USP15: variants seen among roughly 807,000 people sequenced by gnomAD.
The protein encoded by USP15 is ubiquitin carboxyl-terminal hydrolase 15.
A neutral mutation model predicts 127.1 loss-of-function variants in USP15; 18 were observed. The observed-to-expected ratio is 0.14, with a 90% CI of 0.10 to 0.21. The LOEUF (loss-of-function observed/expected upper bound fraction) is 0.21, where lower values mean the gene tolerates loss of function less well. Among genes scored for constraint, USP15 ranks in the 10% least tolerant of loss-of-function variants. USP15 has a pLI of 1.00. For synonymous variants in USP15, 364 were observed against 393.7 expected, an observed-to-expected ratio of 0.92 and a Z score of 0.89; for missense variants, 805 against 1,159.9, an observed-to-expected ratio of 0.69 and a Z score of 4.44.
In USP15 at chr12:62,318,963, T is replaced by C. The variant is rs115171338; in HGVS notation, c.476-2501T>C. Among the ~76,000 whole-genome samples the C allele has an allele frequency of 2.4e-3, 364 of 152,274 alleles. 2 individuals are homozygous for C. The highest frequency in any genetic ancestry group is 8.4e-3 in the African/African-American group (349 of 41,578). On this transcript the variant is annotated intron_variant, in intron 4 of 21. Transcript: ENST00000280377. ...ATTGCTACCACTTTGGTTAGGATTG[T>C]TGCAGTAACCTAGTTTCCCACCTTT... is the stretch of plus-strand genomic sequence containing the variant.
chr12:62,369,161 A>G (rs2066581735), intron 8 of USP15, among the ~76,000 whole-genome samples: 1 of 152,226 alleles, frequency 6.6e-6, no homozygotes, highest in South Asian at 2.1e-4. Context: ...GCAAAATGTC[A>G]TGGAAGCAAA....
intron 8 of USP15, among the ~76,000 whole-genome samples, chr12:62,364,078 G>A (rs570656557): frequency 5.3e-5 from 8 of 152,204 alleles, no homozygotes; most frequent in Admixed American, 3.3e-4. Context: ...AAAAATCTGC[G>A]TGTCGTAGGT....
intron 11 of USP15, among the ~76,000 whole-genome samples, chr12:62,388,249 C>T (rs2067220125): frequency 6.6e-6 from 1 of 151,442 alleles, no homozygotes; most frequent in Non-Finnish European, 1.5e-5. Flanking sequence ...TCTCCCGCCT[C>T]AGACTCCCAA....
At chr12:62,398,193 A>G (rs955565157) in intron 20 of USP15, among the ~76,000 whole-genome samples, 7 of 151,836 alleles carry the variant, frequency 4.6e-5, no homozygotes, top group African/African-American at 1.5e-4. Flanking sequence ...GGGTTTCACC[A>G]TGGTGCCCAG....
At chr12:62,324,040 T>C (rs2065060945) in intron 5 of USP15, among the ~76,000 whole-genome samples, 1 of 151,822 alleles carries the variant, frequency 6.6e-6, no homozygotes, top group Non-Finnish European at 1.5e-5. Context: ...GTATCCTTAC[T>C]AGAAAATAAA....
intron 6 of USP15, chr12:62,335,296 C>T: frequency 6.7e-7 from 1 of 1,487,574 alleles, no homozygotes; most frequent in Admixed American, 2.5e-5. Context: ...ATTAACTCCA[C>T]AAATGTTAGC....
intron 11 of USP15, among the ~76,000 whole-genome samples, chr12:62,386,812 C>T (rs765122578): frequency 1.1e-4 from 17 of 152,028 alleles, no homozygotes; most frequent in Non-Finnish European, 2.1e-4. Context: ...CTGGGTAGCA[C>T]AGAGATCAGT....
intron 1 of USP15, among the ~76,000 whole-genome samples, chr12:62,284,639 TTAC>T (rs2063739503): frequency 6.6e-6 from 1 of 152,194 alleles, no homozygotes; most frequent in Non-Finnish European, 1.5e-5. Context: ...ACCTGTAGTA[TTAC>T]ACACATGAGC....
chr12:62,284,002 T>C (rs1382527342), intron 1 of USP15, among the ~76,000 whole-genome samples: 1 of 152,180 alleles, frequency 6.6e-6, no homozygotes, highest in African/African-American at 2.4e-5. Context: ...TAGAATTTAA[T>C]TAATTGGGGA....
chr12:62,331,502 A>G (rs2065300061), intron 6 of USP15, among the ~76,000 whole-genome samples: 1 of 152,224 alleles, frequency 6.6e-6, no homozygotes, highest in South Asian at 2.1e-4. Context: ...AGGAATTTGC[A>G]TTTTAAGTAC....
At chr12:62,290,235 A>G (rs1052137024) in intron 1 of USP15, among the ~76,000 whole-genome samples, 18 of 152,006 alleles carry the variant, frequency 1.2e-4, no homozygotes, top group African/African-American at 4.3e-4. Context: ...CTATTATTGT[A>G]TTGCTGTTTA....
At chr12:62,347,126 G>T (rs2137411267) in intron 6 of USP15, among the ~76,000 whole-genome samples, 1 of 152,126 alleles carries the variant, frequency 6.6e-6, no homozygotes, top group Non-Finnish European at 1.5e-5. Flanking sequence ...CTTATCAAGG[G>T]TGAGGCATAC....
rs2137704032 is a variant in USP15 at position 62,409,037 on chromosome 12, A to G, written c.*4662A>G. 1 of 152,208 alleles carries G rather than the reference A, an allele frequency of 6.6e-6. No individual in the cohort carries two copies. Among genetic ancestry groups the G allele is most frequent in the East Asian group, 1.9e-4 (1 of 5,192 alleles). 9.4% of individuals were successfully genotyped at this position (152,208 alleles called of 1,614,324 possible). On this transcript the variant is annotated 3_prime_UTR_variant, in exon 22 of 22. Coordinates refer to ENST00000280377, the MANE Select transcript of USP15 (RefSeq NM_001252078.2). ...TTAGGAAAATAAAATATAGATGGTA[A>G]AAATTCAAATATTTATCAAGACTTT...
At chr12:62,278,278 C>G (rs1253384355) in intron 1 of USP15, among the ~76,000 whole-genome samples, 4 of 152,100 alleles carry the variant, frequency 2.6e-5, no homozygotes. Flanking sequence ...GGAATACTTC[C>G]TGAAGGACCT....
At chr12:62,272,525 C>T (rs186817788) in intron 1 of USP15, among the ~76,000 whole-genome samples, 49 of 152,076 alleles carry the variant, frequency 3.2e-4, no homozygotes, top group Non-Finnish European at 6.0e-4. Context: ...TCCACATATT[C>T]CTTTTATACT....
At chr12:62,355,785 C>T (rs1194185021) in intron 8 of USP15, among the ~76,000 whole-genome samples, 1 of 149,942 alleles carries the variant, frequency 6.7e-6, no homozygotes, top group African/African-American at 2.4e-5. Flanking sequence ...CTAATGAGTT[C>T]CCTCCATTAT....
intron 6 of USP15, among the ~76,000 whole-genome samples, chr12:62,332,533 G>A (rs924196338): frequency 1.1e-4 from 16 of 151,610 alleles, no homozygotes; most frequent in Non-Finnish European, 1.5e-4. Flanking sequence ...GAAACCTGGG[G>A]GTTCCTAAAG....
At chr12:62,277,167 A>G (rs1022139733) in intron 1 of USP15, among the ~76,000 whole-genome samples, 3 of 152,134 alleles carry the variant, frequency 2.0e-5, no homozygotes, top group Non-Finnish European at 4.4e-5. Context: ...ACCACTTGAT[A>G]ATAACTCACA....
At chr12:62,314,242 G>T (rs1445301102) in intron 3 of USP15, among the ~76,000 whole-genome samples, 1 of 151,882 alleles carries the variant, frequency 6.6e-6, no homozygotes, top group Non-Finnish European at 1.5e-5. Context: ...TGGCAACAGT[G>T]ATTTGGAGTT....
Sources: gnomAD v4.1 joint callset for allele counts (sites outside exome capture counted in the v4.1 genomes callset) on GRCh38, gnomAD v4.1.1 for gene constraint, MANE v1.5 for transcripts, NCBI Gene and HGNC (gene_info 2026-07-23, HGNC 2026-07-21) for gene names.